Variants in RAB11FIP4 observed in about 807,000 individuals in gnomAD.
The protein encoded by RAB11FIP4 is rab11 family-interacting protein 4.
A neutral mutation model predicts 74.3 loss-of-function variants in RAB11FIP4; 23 were observed. The ratio of observed to expected loss-of-function variants is 0.31; its 90% CI spans 0.22 to 0.44. The LOEUF (loss-of-function observed/expected upper bound fraction) is 0.44, where lower values mean the gene tolerates loss of function less well. Ranked by LOEUF, RAB11FIP4 falls within the 20% of genes least tolerant of loss-of-function variation. The pLI is 1.00. For missense variants in RAB11FIP4, 630 were observed against 863.9 expected, an observed-to-expected ratio of 0.73 and a Z score of 3.39; for synonymous variants, 360 against 359.9, an observed-to-expected ratio of 1.00 and a Z score of 0.00.
rs530348283 is a variant in RAB11FIP4 at position 31,415,845 on chromosome 17, TG to T, written c.160-15966del. 7.2e-5 allele frequency among the ~76,000 whole-genome samples: 11 copies of T among 152,272 alleles called. 1 individual carries two copies. The South Asian group carries it at 2.3e-3, about 32-fold the overall frequency. ...TCTCCGCAGCCTCCCAGCTGGCTGG[TG>T]GCCCCTCTGCCTGTCCCTTCCCGGG... On this transcript the variant is annotated intron_variant, in intron 1 of 14. Coordinates refer to ENST00000621161, the MANE Select transcript of RAB11FIP4 (RefSeq NM_032932.6).
At chr17:31,448,773 C>T (rs145380331) in intron 3 of RAB11FIP4, among the ~76,000 whole-genome samples, 1 of 152,188 alleles carries the variant, frequency 6.6e-6, no homozygotes, top group Non-Finnish European at 1.5e-5. Context: ...CCAGATCCTC[C>T]AGACACTGCA....
intron 3 of RAB11FIP4, chr17:31,488,018 C>T (rs2071930573): frequency 4.0e-6 from 4 of 1,010,448 alleles, no homozygotes; most frequent in Non-Finnish European, 2.4e-6. Flanking sequence ...GGGGCCCAGG[C>T]GCCTCGTGAT....
intron 3 of RAB11FIP4, among the ~76,000 whole-genome samples, chr17:31,480,117 C>T (rs2071831576): frequency 6.6e-6 from 1 of 152,098 alleles, no homozygotes; most frequent in South Asian, 2.1e-4. Flanking sequence ...AGATCCAGGC[C>T]TCAAATCCAG....
chr17:31,528,326 C>G, intron 11 of RAB11FIP4, 80 bp from the exon 12 acceptor site: 1 of 1,503,486 alleles, frequency 6.7e-7, no homozygotes, highest in South Asian at 1.3e-5. Flanking sequence ...AGATGGCTGA[C>G]CAGACCCCAG....
At chr17:31,484,053 A>G (rs2071876580) in intron 3 of RAB11FIP4, among the ~76,000 whole-genome samples, 1 of 150,108 alleles carries the variant, frequency 6.7e-6, no homozygotes, top group Non-Finnish European at 1.5e-5. Flanking sequence ...CAGCCTAGGC[A>G]ACAGAGCAAG....
At chr17:31,445,565 TATATATATA>T (rs1567658318) in intron 3 of RAB11FIP4, among the ~76,000 whole-genome samples, 2 of 12,420 alleles carry the variant, frequency 1.6e-4, no homozygotes, top group African/African-American at 5.8e-4. Context: ...TATATATATA[TATATATATA>T]TATATTTTTT....
In RAB11FIP4 at chr17:31,535,062, T is replaced by C. The variant is rs1409922112; in HGVS notation, c.*3330T>C. 1 of 152,562 alleles carries C rather than the reference T, an allele frequency of 6.6e-6. No individual in the cohort carries two copies. The highest frequency in any genetic ancestry group is 2.4e-5 in the African/African-American group (1 of 41,454). The allele number at this position is 152,562 out of a possible 1,614,324, so 9.5% of individuals were successfully genotyped here. A position where few individuals can be genotyped will look rare whatever the true frequency, so the allele number is the denominator to read the frequency against. ...TATCCTAGATTATTTTATTTTAAAT[T>C]GGTAGAATTCTTTGCGAACTGTCAC... On this transcript the variant is annotated 3_prime_UTR_variant, in exon 15 of 15. Transcript: ENST00000621161.
chr17:31,451,251 G>A (rs2071523965), intron 3 of RAB11FIP4, among the ~76,000 whole-genome samples: 1 of 152,032 alleles, frequency 6.6e-6, no homozygotes, highest in Admixed American at 6.6e-5. Flanking sequence ...CTGAGGTCAG[G>A]AGTTCGAGAC....
chr17:31,448,701 A>T (rs906449215), intron 3 of RAB11FIP4, among the ~76,000 whole-genome samples: 1 of 152,074 alleles, frequency 6.6e-6, no homozygotes, highest in Non-Finnish European at 1.5e-5. Flanking sequence ...GCTGGCCTCA[A>T]GGAGGCCTGA....
At chr17:31,496,343 T>C (rs996709091) in intron 3 of RAB11FIP4, among the ~76,000 whole-genome samples, 22 of 152,230 alleles carry the variant, frequency 1.4e-4, no homozygotes, top group African/African-American at 5.3e-4. Context: ...ACAGTTGTCA[T>C]GGCTGTGTGC....
intron 3 of RAB11FIP4, among the ~76,000 whole-genome samples, chr17:31,510,731 A>G (rs1180557267): frequency 6.6e-6 from 1 of 152,164 alleles, no homozygotes; most frequent in Admixed American, 6.5e-5. Context: ...GGCTTCCTGC[A>G]GCCAAAAAAA....
At chr17:31,502,184 A>G (rs2072234328) in intron 3 of RAB11FIP4, among the ~76,000 whole-genome samples, 1 of 151,452 alleles carries the variant, frequency 6.6e-6, no homozygotes, top group Admixed American at 6.6e-5. Context: ...AGATGGTGCC[A>G]TCGCACTCTG....
At chr17:31,404,045 G>A (rs558300045) in intron 1 of RAB11FIP4, among the ~76,000 whole-genome samples, 5 of 152,334 alleles carry the variant, frequency 3.3e-5, no homozygotes, top group East Asian at 1.9e-4. Flanking sequence ...ATGCATCTGC[G>A]CCACTTCCTG....
intron 2 of RAB11FIP4, among the ~76,000 whole-genome samples, chr17:31,433,802 G>GCCCTCT (rs1254221778): frequency 2.0e-5 from 3 of 152,200 alleles, no homozygotes; most frequent in African/African-American, 7.2e-5. Flanking sequence ...CTCTGTGTGT[G>GCCCTCT]GGAATTAGTC....
intron 9 of RAB11FIP4, 60 bp downstream of exon 9, chr17:31,524,056 A>G (rs1434616280): frequency 4.7e-6 from 6 of 1,288,234 alleles, no homozygotes; most frequent in Admixed American, 3.9e-5. Context: ...AGGGGGGTCC[A>G]TCTTGCTAAG....
chr17:31,437,177 A>T (rs899515869), intron 3 of RAB11FIP4, among the ~76,000 whole-genome samples: 16 of 152,172 alleles, frequency 1.1e-4, no homozygotes, highest in Admixed American at 1.0e-3. Flanking sequence ...AGCCTTGTTC[A>T]TTATGCTCGC....
intron 3 of RAB11FIP4, among the ~76,000 whole-genome samples, chr17:31,506,150 TG>T (rs745483737): frequency 1.3e-5 from 2 of 152,256 alleles, no homozygotes; most frequent in African/African-American, 2.4e-5. Context: ...GGTATGTAGT[TG>T]TTTTTAATTT....
chr17:31,395,923 G>C (rs371764042), intron 1 of RAB11FIP4, among the ~76,000 whole-genome samples: 1 of 152,018 alleles, frequency 6.6e-6, no homozygotes, highest in Non-Finnish European at 1.5e-5. Flanking sequence ...GGCTCATGCC[G>C]GTAATCCTAA....
intron 3 of RAB11FIP4, chr17:31,509,360 A>C (rs1259411869): frequency 6.6e-6 from 1 of 152,102 alleles, no homozygotes. Context: ...GGCCCACCTT[A>C]GGATGGAAGT....
Sources: gnomAD v4.1 joint callset for allele counts (sites outside exome capture counted in the v4.1 genomes callset) on GRCh38, gnomAD v4.1.1 for gene constraint, MANE v1.5 for transcripts, NCBI Gene and HGNC (gene_info 2026-07-23, HGNC 2026-07-21) for gene names.